Variants in TBL1X observed in about 807,000 individuals in gnomAD.
TBL1X encodes the protein transducin beta like 1 X-linked, also known as F-box-like/WD repeat-containing protein TBL1X.
A neutral mutation model predicts 50.7 loss-of-function variants in TBL1X; 10 were observed. The ratio of observed to expected loss-of-function variants is 0.20; its 90% CI spans 0.12 to 0.33. The LOEUF (loss-of-function observed/expected upper bound fraction) is 0.33, where lower values mean the gene tolerates loss of function less well. Among genes scored for constraint, TBL1X ranks in the 10% least tolerant of loss-of-function variants. TBL1X has a pLI of 1.00. For synonymous variants in TBL1X, 190 were observed against 214.7 expected (o/e 0.88, Z 1.01); for missense variants, 340 against 504.4 (o/e 0.67, Z 3.12).
intron 12 of TBL1X, among the ~76,000 whole-genome samples, chrX:9,703,912 C>T (rs2083190841): frequency 8.9e-6 from 1 of 112,598 alleles, no homozygotes; most frequent in African/African-American, 3.2e-5. Context: ...GGGCATGGTC[C>T]AGCCCTGTGG....
At chrX:9,631,331 C>T (rs1052013667) in intron 2 of TBL1X, among the ~76,000 whole-genome samples, 3 of 111,633 alleles carry the variant, frequency 2.7e-5, no homozygotes, top group Admixed American at 9.5e-5. Context: ...GTCTGCTGTT[C>T]GTGTCTCAGC....
chrX:9,584,907 C>G (rs1248500614), intron 2 of TBL1X, among the ~76,000 whole-genome samples: 1 of 111,384 alleles, frequency 9.0e-6, no homozygotes. Context: ...GAATTAGATA[C>G]AGAGGTGGCG....
In TBL1X at chrX:9,711,967, G is replaced by A. The variant is rs753133984; in HGVS notation, c.1605+191G>A. 2.7e-5 allele frequency among the ~76,000 whole-genome samples: 3 copies of A among 112,280 alleles called. No individual in the cohort carries two copies. The South Asian group carries it at 1.1e-3, about 41-fold the overall frequency. ...AGCTCTTCCCCCACCAGACACCTCC[G>A]GCAGCTCCCCTCCCTGAGGAAGGGC... is the stretch of plus-strand genomic sequence containing the variant. On this transcript the variant is annotated intron_variant, in intron 16 of 17. Transcript: ENST00000645353.
chrX:9,691,851 GCT>G, intron 8 of TBL1X, 140 bp downstream of exon 8: 7 of 898,926 alleles, frequency 7.8e-6, no homozygotes, highest in Non-Finnish European at 1.1e-5. Flanking sequence ...GGAATGGGTG[GCT>G]CTATGAGCCA....
At chrX:9,615,838 C>A (rs773366345) in intron 2 of TBL1X, among the ~76,000 whole-genome samples, 10 of 112,115 alleles carry the variant, frequency 8.9e-5, no homozygotes, top group Admixed American at 2.8e-4. Flanking sequence ...AGGCCTTTGT[C>A]TTCCAGCTCT....
intron 5 of TBL1X, among the ~76,000 whole-genome samples, chrX:9,667,325 CTG>C (rs2082936954): frequency 9.0e-6 from 1 of 111,542 alleles, no homozygotes; most frequent in Non-Finnish European, 1.9e-5. Flanking sequence ...AAAGGAAGTT[CTG>C]TGTGTATGAG....
intron 2 of TBL1X, among the ~76,000 whole-genome samples, chrX:9,590,443 T>C (rs779289566): frequency 1.9e-4 from 21 of 111,758 alleles, no homozygotes; most frequent in South Asian, 3.7e-4. Context: ...GCCATTTATA[T>C]GATTAACTTT....
intron 2 of TBL1X, among the ~76,000 whole-genome samples, chrX:9,581,537 T>G (rs998007311): frequency 8.9e-6 from 1 of 111,778 alleles, no homozygotes; most frequent in Admixed American, 9.4e-5. Context: ...GTTGTCTCAG[T>G]AGCTGTGTGG....
chrX:9,620,294 G>A (rs925249701), intron 2 of TBL1X, among the ~76,000 whole-genome samples: 2 of 112,322 alleles, frequency 1.8e-5, no homozygotes, highest in Non-Finnish European at 3.8e-5. Flanking sequence ...TGAACTTTCT[G>A]AAGTTTGTAT....
chrX:9,532,623 C>A (rs749417897), intron 2 of TBL1X, among the ~76,000 whole-genome samples: 4 of 111,233 alleles, frequency 3.6e-5, no homozygotes, highest in Non-Finnish European at 5.7e-5. Context: ...CCGTAATTCT[C>A]CCACAGTCCT....
chrX:9,660,001 C>T (rs1428716938), intron 5 of TBL1X, among the ~76,000 whole-genome samples: 3 of 112,301 alleles, frequency 2.7e-5, no homozygotes, highest in Non-Finnish European at 5.6e-5. Flanking sequence ...CCTCCTTAAG[C>T]AGTGCCGTTG....
intron 2 of TBL1X, among the ~76,000 whole-genome samples, chrX:9,624,023 A>C (rs775625816): frequency 8.9e-6 from 1 of 112,386 alleles, no homozygotes; most frequent in African/African-American, 3.2e-5. Flanking sequence ...GCTTCCTATC[A>C]TGCCTTTTAA....
intron 2 of TBL1X, among the ~76,000 whole-genome samples, chrX:9,514,969 G>A (rs921889454): frequency 5.4e-5 from 6 of 111,757 alleles, no homozygotes; most frequent in Admixed American, 2.8e-4. Flanking sequence ...AGGTGGGAGC[G>A]TTGGTGACAA....
At chrX:9,675,611 C>T (rs900652724) in intron 5 of TBL1X, among the ~76,000 whole-genome samples, 11 of 111,496 alleles carry the variant, frequency 9.9e-5, no homozygotes, top group Admixed American at 2.8e-4. Flanking sequence ...AGGCCAGGCG[C>T]GGTAGCTCAC....
chrX:9,692,375 C>G, intron 9 of TBL1X, 121 bp downstream of exon 9: 1 of 917,955 alleles, frequency 1.1e-6, no homozygotes, highest in Admixed American at 3.7e-5. Context: ...GTGCTCAGCC[C>G]CCACTCTGAT....
intron 2 of TBL1X, among the ~76,000 whole-genome samples, chrX:9,512,061 G>A (rs1319284156): frequency 9.0e-6 from 1 of 110,717 alleles, no homozygotes; most frequent in African/African-American, 3.3e-5. Context: ...GTCTCCCTAT[G>A]TTGCCCAGGC....
chrX:9,552,786 C>T (rs2082276975), intron 2 of TBL1X, among the ~76,000 whole-genome samples: 1 of 111,770 alleles, frequency 8.9e-6, no homozygotes, highest in Admixed American at 9.5e-5. Context: ...TATCTCCATC[C>T]TAATCCTGGA....
chrX:9,522,081 G>A (rs1362320127), intron 2 of TBL1X, among the ~76,000 whole-genome samples: 2 of 102,013 alleles, frequency 2.0e-5, no homozygotes, highest in East Asian at 3.1e-4. Context: ...GCAGGGTCGC[G>A]ATCACTGCTC....
intron 1 of TBL1X, among the ~76,000 whole-genome samples, chrX:9,492,869 GT>G (rs2081952269): frequency 3.2e-5 from 2 of 62,231 alleles, no homozygotes; most frequent in Non-Finnish European, 2.8e-5. Flanking sequence ...GTGTGTGTGT[GT>G]GTGTGTGTGT....
Sources: gnomAD v4.1 joint callset for allele counts (sites outside exome capture counted in the v4.1 genomes callset) on GRCh38, gnomAD v4.1.1 for gene constraint, MANE v1.5 for transcripts, NCBI Gene and HGNC (gene_info 2026-07-23, HGNC 2026-07-21) for gene names.